Variants in CNOT3 observed in about 807,000 individuals in gnomAD.
The protein encoded by CNOT3 is CCR4-associated factor 3.
A neutral mutation model predicts 89.4 loss-of-function variants in CNOT3; 2 were observed. The observed-to-expected ratio is 0.02, with a 90% confidence interval of 0.01 to 0.07. CNOT3 has a LOEUF of 0.07. Ranked by LOEUF, CNOT3 falls within the 10% of genes least tolerant of loss-of-function variation. The pLI, the probability that CNOT3 is intolerant of heterozygous loss-of-function variation, is 1.00. For synonymous variants in CNOT3, 486 were observed against 402.0 expected, an observed-to-expected ratio of 1.21 and a Z score of -2.50; for missense variants, 664 against 1,010.2, an observed-to-expected ratio of 0.66 and a Z score of 4.65.
intron 1 of CNOT3, among the ~76,000 whole-genome samples, chr19:54,141,031 G>C (rs757392267): frequency 6.6e-6 from 1 of 152,146 alleles, no homozygotes; most frequent in African/African-American, 2.4e-5. Context: ...GTAAACTCTC[G>C]TTTCACATTC....
intron 9 of CNOT3, 108 bp from the exon 10 acceptor site, chr19:54,146,493 G>A (rs1049938624): frequency 2.0e-5 from 15 of 748,688 alleles, no homozygotes; most frequent in South Asian, 2.9e-5. Context: ...CTCTGGGGCC[G>A]CAATGGCAGT....
rs749896898 is a variant in CNOT3, at chr19:54,148,483, C to T, written c.1230C>T (p.Ser410=). Residue 410 remains serine (S), a synonymous_variant, in exon 11 of 18, where the codon AGC becomes AGT. Coordinates refer to ENST00000221232, the MANE Select transcript of CNOT3 (RefSeq NM_014516.4). This position sits in a 1 kb window ranked among gnomAD's most constrained non-coding sequence, Gnocchi z 6.3. ...GCAGCGGAGGCGGAGGGAGCAGCAG[C>T]AGTAGTAACAGCAGTGCCGGTGGAG... ...GGGSGGGGSS[S]SSNSSAGGGA... The T allele has an allele frequency of 1.3e-5, 21 of 1,559,818 alleles. No individual in the cohort carries two copies. In the East Asian group the frequency reaches 4.1e-4, roughly 31 times the overall value.
At chr19:54,153,180 G>A in intron 16 of CNOT3, 181 bp downstream of exon 16, 1 of 766,360 alleles carries the variant, frequency 1.3e-6, no homozygotes, top group East Asian at 2.4e-5. Context: ...CCGCCTTCCA[G>A]CCCAGAGATG....
chr19:54,144,194 G>A lies in CNOT3; in HGVS notation c.388-43G>A, dbSNP rs758327074. ...AGGATCCTGAGCCCTGGGTGTAGGC[G>A]GAACCCTAGCTGATGGGCTTCCTCT... On this transcript the variant is annotated intron_variant, in intron 6 of 17. Coordinates refer to ENST00000221232, the MANE Select transcript of CNOT3 (RefSeq NM_014516.4). This position sits in a 1 kb window ranked among gnomAD's most constrained non-coding sequence, Gnocchi z 4.8. 3 of 1,613,208 alleles carry A rather than the reference G, an allele frequency of 1.9e-6. No individual in the cohort carries two copies. Among genetic ancestry groups the A allele is most frequent in the Non-Finnish European group, 2.5e-6 (3 of 1,179,526 alleles).
intron 1 of CNOT3, among the ~76,000 whole-genome samples, chr19:54,138,301 G>A (rs2074301979): frequency 6.6e-6 from 1 of 152,170 alleles, no homozygotes; most frequent in Non-Finnish European, 1.5e-5. Flanking sequence ...GGGCCCCCCG[G>A]TAGGGGTGTG....
intron 3 of CNOT3, 95 bp from the exon 4 acceptor site, chr19:54,143,347 G>GGT (rs1416701257): frequency 4.4e-6 from 6 of 1,358,798 alleles, no homozygotes; most frequent in African/African-American, 1.4e-5. Flanking sequence ...GGGGTTGGGG[G>GGT]GGGTCCTCGA....
chr19:54,153,057 G>T, intron 16 of CNOT3, 58 bp downstream of exon 16: 1 of 1,548,932 alleles, frequency 6.5e-7, no homozygotes, highest in Non-Finnish European at 8.8e-7. Context: ...CACCGCCGCC[G>T]TCCCCCCTCG....
chr19:54,148,516 C>T lies in CNOT3; in HGVS notation c.1263C>T (p.Gly421=), dbSNP rs1436093079. The part of the protein sequence containing the change: ...SSNSSAGGGA[G]KQNGATSYSS... Reference sequence around the variant, plus strand: ...ACAGCAGTGCCGGTGGAGGGGCTGGCAAGCAGAATGGCGCCACCAGTGAGT... The same window carrying T: ...ACAGCAGTGCCGGTGGAGGGGCTGGTAAGCAGAATGGCGCCACCAGTGAGT... Residue 421 remains glycine, a synonymous_variant, in exon 11 of 18, where the codon GGC becomes GGT. Coordinates refer to ENST00000221232, the MANE Select transcript of CNOT3 (RefSeq NM_014516.4). This position sits in a 1 kb window ranked among gnomAD's most constrained non-coding sequence, Gnocchi z 6.3. 1 of 1,555,900 alleles carries T rather than the reference C, an allele frequency of 6.4e-7. No individual in the cohort carries two copies. The highest frequency in any genetic ancestry group is 1.4e-5 in the African/African-American group (1 of 73,904).
chr19:54,138,546 G>A (rs955715844), intron 1 of CNOT3, among the ~76,000 whole-genome samples: 16 of 152,150 alleles, frequency 1.1e-4, no homozygotes, highest in African/African-American at 3.9e-4. Flanking sequence ...CAGCTGGGTG[G>A]GGGAGTCACC....
In CNOT3 at chr19:54,142,999, C is replaced by A; in HGVS notation, c.21C>A (p.Leu7=). The part of the protein sequence containing the change: MADKRK[L]QGEIDRCLKK... ...GGAAGATGGCGGACAAGCGCAAACTCCAAGGTACTAGACTGACTTCCTGCT... is the reference window on the plus strand; with the variant it reads ...GGAAGATGGCGGACAAGCGCAAACTACAAGGTACTAGACTGACTTCCTGCT... The change falls in exon 2 of 18, where the codon CTC becomes CTA. Residue 7 remains leucine, a synonymous_variant. Coordinates refer to ENST00000221232, the MANE Select transcript of CNOT3 (RefSeq NM_014516.4). 1 of 1,614,074 alleles carries A rather than the reference C, an allele frequency of 6.2e-7. No individual in the cohort carries two copies. The highest frequency in any genetic ancestry group is 8.5e-7 in the Non-Finnish European group (1 of 1,180,000).
intron 1 of CNOT3, among the ~76,000 whole-genome samples, chr19:54,138,251 G>A (rs2146508539): frequency 6.6e-6 from 1 of 151,706 alleles, no homozygotes; most frequent in East Asian, 2.0e-4. Context: ...CCCGGACCCC[G>A]GGCCCCGCCC....
In CNOT3 at chr19:54,155,613, G is replaced by C. The variant is rs2075362404; in HGVS notation, c.*206G>C. On this transcript the variant is annotated 3_prime_UTR_variant, in exon 18 of 18. Transcript: ENST00000221232. Reference sequence around the variant, plus strand: ...GGGCTGCCCCCTCCTCCCCTCCCCAGTGAGGGACATTTTTTGGTAAACCTA... The same window carrying C: ...GGGCTGCCCCCTCCTCCCCTCCCCACTGAGGGACATTTTTTGGTAAACCTA... 8.1e-7 allele frequency: 1 copy of C among 1,237,722 alleles called. No homozygotes were observed. The highest frequency in any genetic ancestry group is 1.5e-5 in the African/African-American group (1 of 66,066). 76.7% of individuals were successfully genotyped at this position (1,237,722 alleles called of 1,614,324 possible). A position where few individuals can be genotyped will look rare whatever the true frequency, so the allele number is the denominator to read the frequency against.
At chr19:54,139,700 C>T (rs943883103) in intron 1 of CNOT3, among the ~76,000 whole-genome samples, 1 of 152,080 alleles carries the variant, frequency 6.6e-6, no homozygotes, top group Non-Finnish European at 1.5e-5. Flanking sequence ...CTTGATTTGT[C>T]ACTGTATGGG....
chr19:54,148,663 G>A lies in CNOT3; in HGVS notation c.1326G>A (p.Leu442=). Reference sequence around the variant, plus strand: ...CAGACAGCCCGGCAGAGGTGGCTTTGAGCAGCAGTGGGGGCAACAATGCCA... The same window carrying A: ...CAGACAGCCCGGCAGAGGTGGCTTTAAGCAGCAGTGGGGGCAACAATGCCA... ...VVADSPAEVA[L]SSSGGNNASS... The change falls in exon 12 of 18, where the codon TTG becomes TTA. Residue 442 remains leucine (L), a synonymous_variant. Transcript: ENST00000221232. The surrounding 1 kb of genome is among the most constrained non-coding windows in gnomAD (Gnocchi z 6.3). The A allele has an allele frequency of 6.2e-7, 1 of 1,610,880 alleles. No homozygotes were observed. The highest frequency in any genetic ancestry group is 8.5e-7 in the Non-Finnish European group (1 of 1,178,706).
chr19:54,153,881 G>T (rs758334345), intron 17 of CNOT3, 41 bp downstream of exon 17: 1 of 1,613,884 alleles, frequency 6.2e-7, no homozygotes, highest in Non-Finnish European at 8.5e-7. Flanking sequence ...CTAGGGTTGG[G>T]GTAGAGTCCC....
intron 17 of CNOT3, 92 bp downstream of exon 17, chr19:54,153,932 TCCA>T: frequency 6.5e-7 from 1 of 1,535,316 alleles, no homozygotes; most frequent in Admixed American, 1.7e-5. Flanking sequence ...CTCCCTTGCC[TCCA>T]CCTTTCAGCT....
chr19:54,152,783 C>G, intron 15 of CNOT3, 84 bp from the exon 16 acceptor site: 1 of 849,652 alleles, frequency 1.2e-6, no homozygotes, highest in Non-Finnish European at 2.0e-6. Context: ...CCACCTCCCC[C>G]CGCAGGGATG....
At chr19:54,142,185 C>T (rs184677479) in intron 1 of CNOT3, 1 of 152,256 alleles carries the variant, frequency 6.6e-6, no homozygotes, top group Admixed American at 6.5e-5. Flanking sequence ...TCTCCCAGGT[C>T]TCTCTTGGGT....
In CNOT3 at chr19:54,146,018, C is replaced by T. The variant is rs1462458263; in HGVS notation, c.812C>T (p.Pro271Leu). The T allele has an allele frequency of 1.1e-5, 17 of 1,613,008 alleles. No homozygotes were observed. The highest frequency in any genetic ancestry group is 1.7e-5 in the Admixed American group (1 of 60,010). ...PTSTTSSSPI[P>L]PSPANCTTEN... The stretch of plus-strand genomic sequence containing the variant: ...TCAACCACCTCCAGCTCTCCCATCC[C>T]GCCCAGCCCAGCCAACTGTACCACG... Residue 271 changes from proline to leucine, a missense_variant, in exon 9 of 18, where the codon CCG (proline) becomes CTG (leucine). Around this residue, in one of 8 missense-constraint regions of CNOT3, gnomAD observed 545 missense variants for 566.2 expected, o/e 0.96. Coordinates refer to ENST00000221232, the MANE Select transcript of CNOT3 (RefSeq NM_014516.4).
Sources: gnomAD v4.1 joint callset for allele counts (sites outside exome capture counted in the v4.1 genomes callset) on GRCh38, gnomAD v4.1.1 for gene constraint, gnomAD v4.1.1 regional missense constraint, Gnocchi (gnomAD v3.1) non-coding constraint, MANE v1.5 for transcripts, NCBI Gene and HGNC (gene_info 2026-07-23, HGNC 2026-07-21) for gene names.